The following CLYBL variants were observed in gnomAD, a reference collection of about 807,000 sequenced individuals.
CLYBL encodes citramalyl-CoA lyase, mitochondrial.
A neutral mutation model predicts 38.9 loss-of-function variants in CLYBL; 31 were observed. The observed-to-expected ratio is 0.80, with a 90% confidence interval of 0.60 to 1.08. The LOEUF is 1.08. CLYBL is among the 50% of genes least tolerant of loss of function. The probability of loss-of-function intolerance (pLI) is 0.00; values close to 1 mark genes in which losing one functional copy is unlikely to be tolerated. For missense variants in CLYBL, 434 were observed against 411.6 expected, an observed-to-expected ratio of 1.05 and a Z score of -0.47; for synonymous variants, 171 against 158.6, an observed-to-expected ratio of 1.08 and a Z score of -0.59.
At chr13:99,775,924 G>A (rs1052652907) in intron 2 of CLYBL, among the ~76,000 whole-genome samples, 5 of 152,074 alleles carry the variant, frequency 3.3e-5, no homozygotes, top group African/African-American at 9.7e-5. Context: ...AGCACTTTGG[G>A]AGGCTGAGGT....
intron 1 of CLYBL, among the ~76,000 whole-genome samples, chr13:99,734,266 T>G (rs2048633541): frequency 6.6e-6 from 1 of 152,200 alleles, no homozygotes; most frequent in Non-Finnish European, 1.5e-5. Context: ...AGCCTGGGTT[T>G]CTGGGTTTTG....
At position 99,795,913 on chromosome 13, in the gene CLYBL, T is replaced by G. The variant is rs58901952; in HGVS notation, c.249+22903T>G. On this transcript the variant is annotated intron_variant, in intron 2 of 8. Coordinates refer to ENST00000339105, the MANE Select transcript of CLYBL (RefSeq NM_206808.5). ...ATTTTGCAGGGGAAGGCTGATAACC[T>G]GGCCCAACTGGTGCAGGTCTGCAGG... 5.5e-3 allele frequency among the ~76,000 whole-genome samples: 839 copies of G among 152,322 alleles called. 8 individuals carry two copies. The highest frequency in any genetic ancestry group is 0.019 in the African/African-American group (786 of 41,564).
At chr13:99,606,848 C>G (rs531354998) in intron 1 of CLYBL, 91 bp downstream of exon 1, 25 of 1,291,912 alleles carry the variant, frequency 1.9e-5, no homozygotes, top group Non-Finnish European at 2.3e-5. Context: ...GCGGCCTCCC[C>G]AAGCCCTCAC....
At chr13:99,692,482 C>T (rs145048315) in intron 1 of CLYBL, among the ~76,000 whole-genome samples, 4,534 of 151,924 alleles carry the variant, frequency 0.03, 217 homozygotes, top group African/African-American at 0.1. Context: ...TTAGTAGAGA[C>T]GGGGTTTCAC....
At chr13:99,803,259 C>T (rs1401225148) in intron 2 of CLYBL, among the ~76,000 whole-genome samples, 1 of 152,188 alleles carries the variant, frequency 6.6e-6, no homozygotes, top group African/African-American at 2.4e-5. Flanking sequence ...TTTCTGCTAA[C>T]AATGACAAAA....
chr13:99,696,368 C>T (rs979456218), intron 1 of CLYBL, among the ~76,000 whole-genome samples: 1 of 151,782 alleles, frequency 6.6e-6, no homozygotes, highest in African/African-American at 2.4e-5. Context: ...TAGCTGGGAC[C>T]ATAGGTATAT....
chr13:99,802,326 C>A (rs2050152539), intron 2 of CLYBL, among the ~76,000 whole-genome samples: 1 of 152,116 alleles, frequency 6.6e-6, no homozygotes, highest in Admixed American at 6.5e-5. Context: ...TATATTTAGT[C>A]CATAGCAATC....
chr13:99,807,176 A>G (rs970375231), intron 2 of CLYBL, among the ~76,000 whole-genome samples: 2 of 152,178 alleles, frequency 1.3e-5, no homozygotes, highest in African/African-American at 4.8e-5. Flanking sequence ...GCAAACCACA[A>G]CCCACTGATT....
At chr13:99,808,957 C>G (rs946078888) in intron 2 of CLYBL, among the ~76,000 whole-genome samples, 3 of 152,060 alleles carry the variant, frequency 2.0e-5, no homozygotes, top group African/African-American at 7.2e-5. Context: ...AGGCCACAAG[C>G]AAGTTCACGT....
chr13:99,671,830 T>C (rs929333155), intron 1 of CLYBL, among the ~76,000 whole-genome samples: 2 of 151,208 alleles, frequency 1.3e-5, no homozygotes, highest in Non-Finnish European at 2.9e-5. Flanking sequence ...TCCTAGTAGG[T>C]GACAGGGACT....
intron 1 of CLYBL, among the ~76,000 whole-genome samples, chr13:99,712,489 C>T (rs533232775): frequency 1.3e-5 from 2 of 151,972 alleles, no homozygotes; most frequent in South Asian, 4.2e-4. Context: ...TGCGTGCCAC[C>T]ATACCCAGCT....
In CLYBL at chr13:99,754,958, C is replaced by T. The variant is rs535533664; in HGVS notation, c.63-17866C>T. Among the ~76,000 whole-genome samples the T allele has an allele frequency of 2.0e-3, 309 of 150,982 alleles. 1 individual carries two copies. The highest frequency in any genetic ancestry group is 7.0e-3 in the African/African-American group (288 of 41,058). On this transcript the variant is annotated intron_variant, in intron 1 of 8. Transcript: ENST00000339105. ...TGTTGCCCAGGCTGAAGTGCAGTGG[C>T]GCAATCTCGCCTCACTGCAAGCTCC... is the stretch of plus-strand genomic sequence containing the variant.
chr13:99,854,061 A>C (rs146681902), intron 2 of CLYBL, among the ~76,000 whole-genome samples: 2 of 152,224 alleles, frequency 1.3e-5, no homozygotes, highest in South Asian at 4.1e-4. Context: ...TTGCAGGATG[A>C]AAATATTCAT....
intron 1 of CLYBL, among the ~76,000 whole-genome samples, chr13:99,643,381 C>A (rs1485867984): frequency 6.6e-6 from 1 of 152,168 alleles, no homozygotes; most frequent in East Asian, 1.9e-4. Flanking sequence ...TCTTTGTCAT[C>A]TAGGGTCTGT....
intron 2 of CLYBL, among the ~76,000 whole-genome samples, chr13:99,800,476 C>A (rs2050110183): frequency 1.3e-5 from 2 of 152,178 alleles, no homozygotes; most frequent in Non-Finnish European, 1.5e-5. Context: ...GGAGAGAAAT[C>A]CTGTCCTGAG....
intron 2 of CLYBL, among the ~76,000 whole-genome samples, chr13:99,800,911 A>C (rs9517887): frequency 0.18 from 26,911 of 151,176 alleles, 2,624 homozygotes; most frequent in East Asian, 0.25. Flanking sequence ...AAAAAACAAA[A>C]AAAAAAAAAC....
chr13:99,659,518 A>C (rs895108066), intron 1 of CLYBL, among the ~76,000 whole-genome samples: 1 of 152,080 alleles, frequency 6.6e-6, no homozygotes, highest in Non-Finnish European at 1.5e-5. Context: ...CCAGGCTTGA[A>C]TTTTTTGACA....
chr13:99,824,257 G>GCCTCC (rs2050646417), intron 2 of CLYBL, among the ~76,000 whole-genome samples: 5 of 130,410 alleles, frequency 3.8e-5, no homozygotes, highest in African/African-American at 5.9e-5. Flanking sequence ...CTGACTAATA[G>GCCTCC]CCCCCCCCAC....
At chr13:99,709,923 C>CTTTTTTTTTTTTTTTTTTTTTTT (rs373484721) in intron 1 of CLYBL, among the ~76,000 whole-genome samples, 3 of 110,484 alleles carry the variant, frequency 2.7e-5, no homozygotes, top group Non-Finnish European at 5.2e-5. Context: ...TTCTTTCTTT[C>CTTTTTTTTTTTTTTTTTTTTTTT]TTTTTTTTTT....
Sources: gnomAD v4.1 joint callset for allele counts (sites outside exome capture counted in the v4.1 genomes callset) on GRCh38, gnomAD v4.1.1 for gene constraint, MANE v1.5 for transcripts, NCBI Gene and HGNC (gene_info 2026-07-23, HGNC 2026-07-21) for gene names.